The following GAPVD1 variants were observed in gnomAD, a reference collection of about 807,000 sequenced individuals.
The protein encoded by GAPVD1 is GTPase activating protein and VPS9 domains 1.
GAPVD1 carries 35 observed loss-of-function variants against 155.5 expected under a neutral mutation model. That is an observed-to-expected ratio of 0.23 (90% confidence interval 0.17 to 0.30). GAPVD1 has a LOEUF of 0.30. GAPVD1 is among the 10% of genes least tolerant of loss of function. The pLI is 1.00. For synonymous variants in GAPVD1, 636 were observed against 619.7 expected, an observed-to-expected ratio of 1.03 and a Z score of -0.39; for missense variants, 1,429 against 1,775.7, an observed-to-expected ratio of 0.80 and a Z score of 3.51.
chr9:125,314,856 C>T (rs1244487242), intron 9 of GAPVD1, among the ~76,000 whole-genome samples: 2 of 147,678 alleles, frequency 1.4e-5, no homozygotes, highest in Admixed American at 6.8e-5. Context: ...GGTGCGATCT[C>T]GGCTCACTGC....
chr9:125,321,417 A>C lies in GAPVD1; in HGVS notation c.1603-16A>C. 2 of 1,600,780 alleles carry C rather than the reference A, an allele frequency of 1.2e-6. No individual in the cohort carries two copies. Among genetic ancestry groups the C allele is most frequent in the Non-Finnish European group, 1.7e-6 (2 of 1,170,780 alleles). ...TCTTTCCATTGATAAACCAAAATTG[A>C]CATTTTATTTTTTAGGTCCTAAACA... is the stretch of plus-strand genomic sequence containing the variant. On this transcript the variant is annotated splice_polypyrimidine_tract_variant and intron_variant, in intron 9 of 27. Transcript: ENST00000297933.
rs777202943 is a variant in GAPVD1, at chr9:125,319,601, CT to C, written c.1603-1814del. The stretch of plus-strand genomic sequence containing the variant: ...TTTCAAGCAAATAGGGAAAAAAAAA[CT>C]TTTTTTTTTTTTTTTTTGAGATGCA... On this transcript the variant is annotated intron_variant, in intron 9 of 27. Transcript: ENST00000297933. 6.3e-3 allele frequency among the ~76,000 whole-genome samples: 766 copies of C among 121,486 alleles called. 2 individuals carry two copies. Among genetic ancestry groups the C allele is most frequent in the South Asian group, 0.015 (54 of 3,716 alleles). The allele number at this position is 121,486 out of a possible 152,430, so 79.7% of individuals were successfully genotyped here.
intron 22 of GAPVD1, 125 bp from the exon 23 acceptor site, chr9:125,350,588 G>A: frequency 4.4e-6 from 3 of 685,422 alleles, no homozygotes; most frequent in Middle Eastern, 3.4e-4. Context: ...CTAATTGGGA[G>A]TGGCAATACA....
At position 125,350,882 on chromosome 9, in the gene GAPVD1, C is replaced by A; in HGVS notation, c.3569+10C>A. The A allele has an allele frequency of 6.3e-7, 1 of 1,588,838 alleles. No individual in the cohort carries two copies. The highest frequency in any genetic ancestry group is 8.6e-7 in the Non-Finnish European group (1 of 1,167,322). On this transcript the variant is annotated intron_variant, in intron 23 of 27. Coordinates refer to ENST00000297933, the MANE Select transcript of GAPVD1 (RefSeq NM_001282680.3). Reference sequence around the variant, plus strand: ...TTGCTGAGGACTACAGGTAATATACCCCACCTGTTCAGCTTTTAAACCTAG... The same window carrying A: ...TTGCTGAGGACTACAGGTAATATACACCACCTGTTCAGCTTTTAAACCTAG...
intron 2 of GAPVD1, among the ~76,000 whole-genome samples, chr9:125,289,096 T>C (rs964229093): frequency 6.6e-6 from 1 of 152,166 alleles, no homozygotes; most frequent in Non-Finnish European, 1.5e-5. Context: ...TATATGTTCT[T>C]GTTTATGTCT....
intron 1 of GAPVD1, among the ~76,000 whole-genome samples, chr9:125,266,602 C>T (rs1411165433): frequency 4.0e-5 from 6 of 151,820 alleles, no homozygotes; most frequent in South Asian, 2.1e-4. Flanking sequence ...CGTGAGCCAC[C>T]GCGCGCAGCC....
intron 3 of GAPVD1, among the ~76,000 whole-genome samples, chr9:125,296,049 G>A (rs1224757835): frequency 1.3e-5 from 2 of 152,118 alleles, no homozygotes; most frequent in South Asian, 2.1e-4. Flanking sequence ...TTGAAAGATA[G>A]CACAGCGATC....
At chr9:125,269,921 G>A (rs1412518265) in intron 2 of GAPVD1, among the ~76,000 whole-genome samples, 1 of 151,530 alleles carries the variant, frequency 6.6e-6, no homozygotes, top group African/African-American at 2.4e-5. Flanking sequence ...GTTTTACCAT[G>A]TTGGCCAGGC....
intron 25 of GAPVD1, among the ~76,000 whole-genome samples, chr9:125,358,995 A>G (rs1850521756): frequency 6.6e-6 from 1 of 152,198 alleles, no homozygotes; most frequent in South Asian, 2.1e-4. Flanking sequence ...CTCTTCATCT[A>G]CAAAGTGAAA....
chr9:125,286,577 A>T (rs1040484435), intron 2 of GAPVD1, among the ~76,000 whole-genome samples: 1 of 152,162 alleles, frequency 6.6e-6, no homozygotes, highest in African/African-American at 2.4e-5. Context: ...TAATTTAAAA[A>T]TTCTTTGATT....
Position 125,347,019 on chromosome 9 carries a change from TA to T in GAPVD1, c.3169+82del, listed in dbSNP as rs755358133. 4 of 1,442,532 alleles carry T rather than the reference TA, an allele frequency of 2.8e-6. No individual in the cohort carries two copies. The South Asian group carries it at 3.6e-5, about 13-fold the overall frequency. 89.4% of individuals were successfully genotyped at this position (1,442,532 alleles called of 1,614,324 possible). On this transcript the variant is annotated intron_variant, in intron 20 of 27. Transcript: ENST00000297933. ...AGGTAATCTGAATTTAAGTGGCCTT[TA>T]AAAGAAAGAATAGCTAAGGGAGTCA...
rs532110959 is a variant in GAPVD1 at position 125,312,710 on chromosome 9, A to T, written c.1602+98A>T. The T allele has an allele frequency of 2.3e-5, 19 of 811,490 alleles. No individual in the cohort carries two copies. In the East Asian group the frequency reaches 4.9e-4, roughly 21 times the overall value. The allele number at this position is 811,490 out of a possible 1,614,324, so 50.3% of individuals were successfully genotyped here. A position where few individuals can be genotyped will look rare whatever the true frequency, so the allele number is the denominator to read the frequency against. ...AGGTTGGGTGGCTTATAAACAACAG[A>T]TATTTATTTCTCACATTTGTAGAGG... On this transcript the variant is annotated intron_variant, in intron 9 of 27. Transcript: ENST00000297933.
chr9:125,301,752 A>G (rs1840923575), intron 4 of GAPVD1, among the ~76,000 whole-genome samples: 2 of 151,982 alleles, frequency 1.3e-5, no homozygotes, highest in Non-Finnish European at 2.9e-5. Context: ...ACCCAGCCCC[A>G]ATACTTTTCA....
chr9:125,315,954 T>A (rs531835490), intron 9 of GAPVD1, among the ~76,000 whole-genome samples: 10 of 152,248 alleles, frequency 6.6e-5, no homozygotes, highest in African/African-American at 2.4e-4. Context: ...GTGTTGAAGT[T>A]CCCCAAAACA....
Position 125,277,927 on chromosome 9 carries a change from C to T in GAPVD1, c.-150+8943C>T, listed in dbSNP as rs147863032. ...AAGTGATCCTCCTGCCTCAGCCTCC[C>T]GAAGTGTTGGGATTATAAGCGTGAG... On this transcript the variant is annotated intron_variant, in intron 2 of 27. Transcript: ENST00000297933. 3.6e-4 allele frequency among the ~76,000 whole-genome samples: 55 copies of T among 152,096 alleles called. 1 individual carries two copies. The highest frequency in any genetic ancestry group is 3.3e-3 in the East Asian group (17 of 5,176).
At chr9:125,279,425 T>C (rs1836357372) in intron 2 of GAPVD1, among the ~76,000 whole-genome samples, 1 of 150,310 alleles carries the variant, frequency 6.7e-6, no homozygotes, top group African/African-American at 2.5e-5. Context: ...AAAAAAATTA[T>C]CTGGGTGTGG....
intron 2 of GAPVD1, among the ~76,000 whole-genome samples, chr9:125,271,739 C>T (rs1046367821): frequency 4.6e-5 from 7 of 151,766 alleles, no homozygotes; most frequent in African/African-American, 1.7e-4. Flanking sequence ...TTAGTAGAGA[C>T]GTTGTTTCAC....
At chr9:125,319,798 G>T (rs1385508715) in intron 9 of GAPVD1, among the ~76,000 whole-genome samples, 1 of 151,844 alleles carries the variant, frequency 6.6e-6, no homozygotes, top group Non-Finnish European at 1.5e-5. Context: ...ATGGGATTTT[G>T]CCACGTTGCC....
At position 125,264,244 on chromosome 9, in the gene GAPVD1, G is replaced by T. The variant is rs573232674; in HGVS notation, c.-199+2285G>T. Among the ~76,000 whole-genome samples the T allele has an allele frequency of 2.6e-5, 4 of 152,296 alleles. No homozygotes were observed. In the East Asian group the frequency reaches 7.7e-4, roughly 29 times the overall value. On this transcript the variant is annotated intron_variant, in intron 1 of 27. Transcript: ENST00000297933. ...GAGTCTGGCTCTGTTGCCTAGGCTG[G>T]AGTGCAGTGGCATGATCTCCGCTCA...
Sources: allele counts gnomAD v4.1 joint callset (sites outside exome capture counted in the v4.1 genomes callset), GRCh38; gene constraint gnomAD v4.1.1; transcripts MANE v1.5; gene names NCBI Gene and HGNC (gene_info 2026-07-23, HGNC 2026-07-21).